Variants in RANBP3 observed in about 807,000 individuals in gnomAD.
RANBP3 encodes the protein RAN binding protein 3.
RANBP3 carries 14 observed loss-of-function variants against 77.3 expected under a neutral mutation model. The ratio of observed to expected loss-of-function variants is 0.18; its 90% CI spans 0.12 to 0.28. The LOEUF (loss-of-function observed/expected upper bound fraction) is 0.28. Ranked by LOEUF, RANBP3 falls within the 10% of genes least tolerant of loss-of-function variation. The probability of loss-of-function intolerance (pLI) is 1.00; values close to 1 mark genes in which losing one functional copy is unlikely to be tolerated. For synonymous variants in RANBP3, 315 were observed against 312.4 expected (o/e 1.01, Z -0.09); for missense variants, 586 against 752.3 (o/e 0.78, Z 2.59).
intron 8 of RANBP3, 24 bp downstream of exon 8, chr19:5,931,380 T>G (rs1443987311): frequency 6.3e-7 from 1 of 1,591,794 alleles, no homozygotes; most frequent in Admixed American, 1.7e-5. Context: ...CATGCAGCGC[T>G]TCCCTGCCTC....
At position 5,926,834 on chromosome 19, in the gene RANBP3, G is replaced by A. The variant is rs149602769; in HGVS notation, c.814-1097C>T. ...GGCAACAGCAACATCAACTTTCCAC[G>A]TTTCTCGACTTGGGCTTCTGTTGGA... On this transcript the variant is annotated intron_variant, in intron 9 of 16. Transcript: ENST00000340578. Among the ~76,000 whole-genome samples the A allele has an allele frequency of 5.3e-5, 8 of 152,238 alleles. No individual in the cohort carries two copies. The East Asian group carries it at 1.5e-3, about 29-fold the overall frequency.
chr19:5,924,830 A>C lies in RANBP3; in HGVS notation c.993T>G (p.Val331=). 3.7e-6 allele frequency: 6 copies of C among 1,613,864 alleles called. No individual in the cohort carries two copies. The highest frequency in any genetic ancestry group is 4.2e-6 in the Non-Finnish European group (5 of 1,179,796). ...CATTCCCAACACAGCCACTCACCAAAACTCGCTCGCTCATGTTCTGGCCAA... is the reference window on the plus strand; with the variant it reads ...CATTCCCAACACAGCCACTCACCAACACTCGCTCGCTCATGTTCTGGCCAA... ...FVFGQNMSER[V]LSPPKLNEVS... Residue 331 remains valine (V), a synonymous_variant, in exon 11 of 17, where the codon GTT becomes GTG. Transcript: ENST00000340578. The surrounding 1 kb of genome is among the most constrained non-coding windows in gnomAD (Gnocchi z 4.7).
intron 1 of RANBP3, among the ~76,000 whole-genome samples, chr19:5,971,049 T>C (rs2058524644): frequency 6.6e-6 from 1 of 152,144 alleles, no homozygotes; most frequent in Non-Finnish European, 1.5e-5. Flanking sequence ...TGCCAGTGGT[T>C]CTCAAATTTC....
chr19:5,973,307 A>G (rs969602947), intron 1 of RANBP3, among the ~76,000 whole-genome samples: 2 of 152,224 alleles, frequency 1.3e-5, no homozygotes, highest in African/African-American at 4.8e-5. Flanking sequence ...ACCACCCTCA[A>G]AAATCTCTCG....
chr19:5,965,377 T>C (rs628271), intron 1 of RANBP3, among the ~76,000 whole-genome samples: 13,097 of 152,158 alleles, frequency 0.086, 687 homozygotes, highest in African/African-American at 0.15. Context: ...GAGAGTTAAA[T>C]AGCAGGCTTC....
At chr19:5,970,592 G>C (rs908730566) in intron 1 of RANBP3, among the ~76,000 whole-genome samples, 10 of 152,030 alleles carry the variant, frequency 6.6e-5, no homozygotes, top group Admixed American at 5.9e-4. Context: ...GAGGCTAGAG[G>C]GGCTACCCAA....
chr19:5,950,759 G>A (rs1439375591), intron 3 of RANBP3: 2 of 152,948 alleles, frequency 1.3e-5, no homozygotes, highest in African/African-American at 4.8e-5. Flanking sequence ...GACATTTCTT[G>A]TTCTTGAGAG....
At chr19:5,954,845 C>A (rs368748646) in intron 2 of RANBP3, among the ~76,000 whole-genome samples, 3 of 152,164 alleles carry the variant, frequency 2.0e-5, no homozygotes, top group African/African-American at 7.2e-5. Context: ...GCCAGCCGCC[C>A]GCCCTGTGTG....
chr19:5,975,860 CGGGGAGT>C (rs997301434), intron 1 of RANBP3, among the ~76,000 whole-genome samples: 20 of 151,438 alleles, frequency 1.3e-4, no homozygotes, highest in African/African-American at 4.6e-4. Flanking sequence ...AGGCTAAAAG[CGGGGAGT>C]GTATGCAACA....
chr19:5,951,373 C>T lies in RANBP3; in HGVS notation c.282+20G>A, dbSNP rs1311934408. The T allele has an allele frequency of 6.5e-7, 1 of 1,546,660 alleles. No homozygotes were observed. Among genetic ancestry groups the T allele is most frequent in the African/African-American group, 1.4e-5 (1 of 72,994 alleles). The stretch of plus-strand genomic sequence containing the variant: ...GGGCTCCCCCTGGGCGGTAGGAGTG[C>T]CGGGTAGGTGTGGACTTACCCCTGC... On this transcript the variant is annotated intron_variant, in intron 3 of 16. Transcript: ENST00000340578.
rs141215521 is a variant in RANBP3, at chr19:5,957,357, C to T, written c.78+561G>A. ...AGGCGAGGTACTTCCAACCACACTG[C>T]GACCCAGACACCCTGAATCCAAGGG... On this transcript the variant is annotated intron_variant, in intron 2 of 16. Coordinates refer to ENST00000340578, the MANE Select transcript of RANBP3 (RefSeq NM_007322.3). 5.8e-3 allele frequency among the ~76,000 whole-genome samples: 884 copies of T among 152,256 alleles called. 4 individuals carry two copies. Among genetic ancestry groups the T allele is most frequent in the African/African-American group, 0.02 (846 of 41,534 alleles).
intron 5 of RANBP3, among the ~76,000 whole-genome samples, chr19:5,935,427 T>C (rs2058050966): frequency 6.6e-6 from 1 of 152,230 alleles, no homozygotes; most frequent in South Asian, 2.1e-4. Flanking sequence ...AAACACTCAA[T>C]TACATTTCCA....
intron 15 of RANBP3, 56 bp downstream of exon 15, chr19:5,918,440 C>T: frequency 1.5e-6 from 2 of 1,323,862 alleles, no homozygotes; most frequent in Non-Finnish European, 2.0e-6. Context: ...TGCCCAGGAA[C>T]CCCCACAGGG....
chr19:5,919,581 C>T (rs981451597), intron 14 of RANBP3, among the ~76,000 whole-genome samples: 9 of 152,094 alleles, frequency 5.9e-5, no homozygotes, highest in Admixed American at 3.3e-4. Flanking sequence ...AACATTTCCA[C>T]GAGACAAAAG....
intron 1 of RANBP3, among the ~76,000 whole-genome samples, chr19:5,969,106 T>C (rs954470335): frequency 5.3e-5 from 8 of 152,100 alleles, no homozygotes; most frequent in Admixed American, 2.6e-4. Context: ...GGCCCATGTT[T>C]GGAGGGGAGG....
chr19:5,938,804 A>T lies in RANBP3; in HGVS notation c.406+2817T>A, dbSNP rs537651292. Among the ~76,000 whole-genome samples, 5 of 152,360 alleles carry T rather than the reference A, an allele frequency of 3.3e-5. No homozygotes were observed. The East Asian group carries it at 9.6e-4, about 29-fold the overall frequency. ...AGAGGTCTAGAAATTCACCAACTTC[A>T]CAGGCGTTACCTTTGGGATGGCAGG... is the stretch of plus-strand genomic sequence containing the variant. On this transcript the variant is annotated intron_variant, in intron 5 of 16. Coordinates refer to ENST00000340578, the MANE Select transcript of RANBP3 (RefSeq NM_007322.3).
At position 5,924,706 on chromosome 19, in the gene RANBP3, A is replaced by G; in HGVS notation, c.996+121T>C. 1 of 1,000,434 alleles carries G rather than the reference A, an allele frequency of 1.0e-6. No homozygotes were observed. Among genetic ancestry groups the G allele is most frequent in the Non-Finnish European group, 1.6e-6 (1 of 635,128 alleles). The allele number at this position is 1,000,434 out of a possible 1,614,324, so 62.0% of individuals were successfully genotyped here. Reference sequence around the variant, plus strand: ...CAGGGTCTTCCCTCTCTCACTTGCTACTGAAGGCATCCCCATCTCACATAG... The same window carrying G: ...CAGGGTCTTCCCTCTCTCACTTGCTGCTGAAGGCATCCCCATCTCACATAG... On this transcript the variant is annotated intron_variant, in intron 11 of 16. Transcript: ENST00000340578. This position sits in a 1 kb window ranked among gnomAD's most constrained non-coding sequence, Gnocchi z 4.7.
At chr19:5,962,875 G>A (rs1465703052) in intron 1 of RANBP3, among the ~76,000 whole-genome samples, 1 of 152,080 alleles carries the variant, frequency 6.6e-6, no homozygotes, top group African/African-American at 2.4e-5. Flanking sequence ...GTTGCTGTTC[G>A]TAGCCATTCC....
intron 2 of RANBP3, among the ~76,000 whole-genome samples, chr19:5,955,647 T>C (rs978109883): frequency 2.0e-5 from 3 of 152,234 alleles, no homozygotes; most frequent in Non-Finnish European, 4.4e-5. Flanking sequence ...CCTTAAAGTC[T>C]TCAGATTTAA....
Sources: allele counts gnomAD v4.1 joint callset (sites outside exome capture counted in the v4.1 genomes callset), GRCh38; gene constraint gnomAD v4.1.1; non-coding constraint Gnocchi (gnomAD v3.1); transcripts MANE v1.5; gene names NCBI Gene and HGNC (gene_info 2026-07-23, HGNC 2026-07-21).